The following AQR variants were observed in gnomAD, a reference collection of about 807,000 sequenced individuals.
AQR encodes the protein aquarius intron-binding spliceosomal factor.
AQR carries 61 observed loss-of-function variants against 180.5 expected under a neutral mutation model. The observed-to-expected ratio is 0.34, with a 90% CI of 0.28 to 0.42. The LOEUF (loss-of-function observed/expected upper bound fraction) is 0.42, where lower values mean the gene tolerates loss of function less well. Ranked by LOEUF, AQR falls within the 10% of genes least tolerant of loss-of-function variation. The pLI is 1.00. For missense variants in AQR, 1,281 were observed against 1,798.3 expected, an observed-to-expected ratio of 0.71 and a Z score of 5.20; for synonymous variants, 551 against 588.8, an observed-to-expected ratio of 0.94 and a Z score of 0.93.
Position 34,912,377 on chromosome 15 carries a change from G to A in AQR, c.1485-2064C>T, listed in dbSNP as rs77464818. Among the ~76,000 whole-genome samples the A allele has an allele frequency of 8.6e-3, 1,298 of 151,778 alleles. 20 individuals carry two copies. The highest frequency in any genetic ancestry group is 0.03 in the African/African-American group (1,237 of 41,456). On this transcript the variant is annotated intron_variant, in intron 16 of 34. Transcript: ENST00000156471. Reference sequence around the variant, plus strand: ...AGTTTTTGTTCTCTTCTGTTTTTCTGTCTTTATTTCTCTTTCATTTCTGAA... The same window carrying A: ...AGTTTTTGTTCTCTTCTGTTTTTCTATCTTTATTTCTCTTTCATTTCTGAA...
intron 15 of AQR, among the ~76,000 whole-genome samples, chr15:34,915,942 G>A (rs1371805005): frequency 6.0e-5 from 9 of 149,926 alleles, no homozygotes; most frequent in East Asian, 3.9e-4. Context: ...GCAAAACTCC[G>A]TCTCAAATAA....
intron 24 of AQR, 48 bp from the exon 25 acceptor site, chr15:34,886,709 T>C (rs747624954): frequency 6.5e-6 from 10 of 1,548,754 alleles, no homozygotes; most frequent in Non-Finnish European, 8.7e-6. Context: ...TAAAGAGACT[T>C]TGAAGGAAAC....
In AQR at chr15:34,920,389, T is replaced by C. The variant is rs982127485; in HGVS notation, c.1164A>G (p.Pro388=). 4.3e-6 allele frequency: 7 copies of C among 1,613,852 alleles called. No homozygotes were observed. Among genetic ancestry groups the C allele is most frequent in the Admixed American group, 1.7e-5 (1 of 60,006 alleles). ...HQVASYLCLL[P]TLPKNEDTTF... is the part of the protein sequence containing the mutation. The stretch of plus-strand genomic sequence containing the variant: ...TTGTGTCTTCATTTTTAGGAAGAGT[T>C]GGCAACAAGCAGAGGTATGATGCCA... Residue 388 remains proline (P), a synonymous_variant, in exon 14 of 35, where the codon CCA becomes CCG. Coordinates refer to ENST00000156471, the MANE Select transcript of AQR (RefSeq NM_014691.3).
chr15:34,887,119 C>T (rs148763943), intron 24 of AQR, among the ~76,000 whole-genome samples: 1,994 of 149,750 alleles, frequency 0.013, 50 homozygotes, highest in African/African-American at 0.047. Flanking sequence ...AGCAAGACTC[C>T]GTCTCAAAAA....
intron 24 of AQR, among the ~76,000 whole-genome samples, chr15:34,887,078 T>C (rs906343320): frequency 1.3e-5 from 2 of 150,332 alleles, no homozygotes; most frequent in African/African-American, 4.9e-5. Context: ...TGAGCAGAGA[T>C]GGCGCCACTG....
intron 11 of AQR, among the ~76,000 whole-genome samples, 169 bp from the exon 12 acceptor site, chr15:34,930,540 T>C (rs1595800988): frequency 1.3e-5 from 2 of 152,268 alleles, no homozygotes; most frequent in Non-Finnish European, 2.9e-5. Flanking sequence ...AAAAACGTTT[T>C]AGTTACATGA....
At chr15:34,873,446 A>G (rs75702772) in intron 30 of AQR, among the ~76,000 whole-genome samples, 1 of 152,104 alleles carries the variant, frequency 6.6e-6, no homozygotes, top group East Asian at 1.9e-4. Context: ...TGATTTTTTA[A>G]AACAATTTAT....
At chr15:34,920,267 C>T in intron 14 of AQR, 65 bp downstream of exon 14, 2 of 1,200,538 alleles carry the variant, frequency 1.7e-6, no homozygotes, top group Non-Finnish European at 2.4e-6. Flanking sequence ...GAACCTACAT[C>T]TTTAAGAATG....
chr15:34,902,588 TA>T (rs1893347967), intron 19 of AQR, among the ~76,000 whole-genome samples: 1 of 152,128 alleles, frequency 6.6e-6, no homozygotes, highest in South Asian at 2.1e-4. Flanking sequence ...CTAGCTTCTC[TA>T]AAGGTGTAAG....
chr15:34,944,822 G>T (rs780084301), intron 5 of AQR, among the ~76,000 whole-genome samples: 1 of 152,138 alleles, frequency 6.6e-6, no homozygotes, highest in Non-Finnish European at 1.5e-5. Flanking sequence ...TTAATCTCAA[G>T]AACAGCCCCT....
chr15:34,929,222 T>G (rs1249668591), intron 12 of AQR, among the ~76,000 whole-genome samples: 2 of 152,232 alleles, frequency 1.3e-5, no homozygotes, highest in Non-Finnish European at 2.9e-5. Flanking sequence ...ATTTTTGCTT[T>G]TGTTGCAATT....
chr15:34,955,804 G>A (rs1396933558), intron 3 of AQR, among the ~76,000 whole-genome samples: 1 of 151,774 alleles, frequency 6.6e-6, no homozygotes, highest in Non-Finnish European at 1.5e-5. Flanking sequence ...AACTTCTAGG[G>A]AGGCTGAGGC....
chr15:34,958,384 T>C (rs1894360537), intron 3 of AQR, among the ~76,000 whole-genome samples: 1 of 151,584 alleles, frequency 6.6e-6, no homozygotes, highest in Non-Finnish European at 1.5e-5. Flanking sequence ...GGCATGGTGG[T>C]TTGTGCCTGT....
chr15:34,859,630 A>C (rs2140456575), intron 34 of AQR, among the ~76,000 whole-genome samples: 1 of 152,378 alleles, frequency 6.6e-6, no homozygotes, highest in South Asian at 2.1e-4. Context: ...TTCCATTTAT[A>C]TAAAAATCTA....
At chr15:34,967,852 T>A (rs537151590) in intron 1 of AQR, among the ~76,000 whole-genome samples, 10 of 152,344 alleles carry the variant, frequency 6.6e-5, no homozygotes, top group African/African-American at 1.9e-4. Flanking sequence ...TTGCTCTTGT[T>A]GCCCAGGCTG....
intron 18 of AQR, among the ~76,000 whole-genome samples, chr15:34,904,897 T>C (rs1014003708): frequency 6.6e-6 from 1 of 152,020 alleles, no homozygotes; most frequent in African/African-American, 2.4e-5. Context: ...ATTAAATATA[T>C]GTATTTTAGA....
intron 5 of AQR, among the ~76,000 whole-genome samples, chr15:34,946,898 C>A (rs1222991747): frequency 6.7e-6 from 1 of 148,900 alleles, no homozygotes; most frequent in African/African-American, 2.5e-5. Context: ...GGGGGGTCAG[C>A]CCCCCGTCCG....
chr15:34,866,394 A>G (rs939142127), intron 32 of AQR, among the ~76,000 whole-genome samples: 1 of 152,164 alleles, frequency 6.6e-6, no homozygotes, highest in African/African-American at 2.4e-5. Context: ...TTTTGCTAAA[A>G]AATTTTGATG....
At chr15:34,890,178 T>C in intron 24 of AQR, 37 bp downstream of exon 24, 3 of 1,509,066 alleles carry the variant, frequency 2.0e-6, no homozygotes, top group Non-Finnish European at 2.7e-6. Context: ...AAATAAAAAA[T>C]CCTTTTTTAC....
Sources: allele counts gnomAD v4.1 joint callset (sites outside exome capture counted in the v4.1 genomes callset), GRCh38; gene constraint gnomAD v4.1.1; transcripts MANE v1.5; gene names NCBI Gene and HGNC (gene_info 2026-07-23, HGNC 2026-07-21).